Variants in GNA14 observed in about 807,000 individuals in gnomAD.
GNA14 encodes the protein G protein subunit alpha 14.
GNA14 carries 50 observed loss-of-function variants against 42.0 expected under a neutral mutation model. The ratio of observed to expected loss-of-function variants is 1.19; its 90% confidence interval spans 0.95 to 1.51. The LOEUF is 1.51. Ranked by LOEUF, GNA14 falls within the 40% of genes most tolerant of loss-of-function variation. The pLI, the probability that GNA14 is intolerant of heterozygous loss-of-function variation, is 0.00. For synonymous variants in GNA14, 173 were observed against 163.1 expected (o/e 1.06, Z -0.46); for missense variants, 473 against 446.2 (o/e 1.06, Z -0.54).
chr9:77,497,240 A>G (rs1836887142), intron 2 of GNA14, among the ~76,000 whole-genome samples: 1 of 152,154 alleles, frequency 6.6e-6, no homozygotes, highest in South Asian at 2.1e-4. Context: ...GGTGAAGAAA[A>G]CAAAGAGCTA....
intron 2 of GNA14, among the ~76,000 whole-genome samples, chr9:77,476,176 C>A (rs2131724556): frequency 6.6e-6 from 1 of 152,246 alleles, no homozygotes; most frequent in East Asian, 1.9e-4. Context: ...AGAATCTAGT[C>A]CTTAAAGTAG....
intron 2 of GNA14, among the ~76,000 whole-genome samples, chr9:77,442,722 AAACTCCCTTTTGGAGTTTGGG>A (rs1317936285): frequency 6.6e-6 from 1 of 152,210 alleles, no homozygotes; most frequent in African/African-American, 2.4e-5. Context: ...GAAGAAAAGG[AAACTCCCTTTTGGAGTTTGGG>A]AGATAACATC....
intron 2 of GNA14, among the ~76,000 whole-genome samples, chr9:77,445,570 A>G (rs551102697): frequency 2.6e-4 from 39 of 151,162 alleles, no homozygotes; most frequent in Non-Finnish European, 4.1e-4. Context: ...AAAAAAAAAA[A>G]AAAGAAAGGA....
At chr9:77,627,337 T>G (rs1824026949) in intron 1 of GNA14, among the ~76,000 whole-genome samples, 2 of 152,126 alleles carry the variant, frequency 1.3e-5, no homozygotes, top group Admixed American at 1.3e-4. Flanking sequence ...CTTCTGAAAC[T>G]ATTCCAAACA....
At chr9:77,581,558 A>G (rs1823224273) in intron 1 of GNA14, among the ~76,000 whole-genome samples, 1 of 152,214 alleles carries the variant, frequency 6.6e-6, no homozygotes, top group South Asian at 2.1e-4. Context: ...ACAACTACAC[A>G]GTGGCCGGAC....
intron 1 of GNA14, among the ~76,000 whole-genome samples, chr9:77,592,383 A>G (rs1823404129): frequency 2.0e-5 from 3 of 152,234 alleles, no homozygotes; most frequent in Non-Finnish European, 2.9e-5. Flanking sequence ...GCTCTAAGAG[A>G]TAAGGCTTGC....
At chr9:77,445,076 G>T (rs1835793246) in intron 2 of GNA14, among the ~76,000 whole-genome samples, 1 of 152,222 alleles carries the variant, frequency 6.6e-6, no homozygotes, top group South Asian at 2.1e-4. Context: ...GGGGAGGAGT[G>T]AAGGGATGAG....
chr9:77,555,921 A>G (rs964529456), intron 1 of GNA14, among the ~76,000 whole-genome samples: 2 of 152,212 alleles, frequency 1.3e-5, no homozygotes, highest in Non-Finnish European at 2.9e-5. Context: ...AATGAGTCTC[A>G]TAATACCATT....
At chr9:77,568,064 C>T (rs1822998412) in intron 1 of GNA14, among the ~76,000 whole-genome samples, 1 of 152,070 alleles carries the variant, frequency 6.6e-6, no homozygotes, top group Admixed American at 6.6e-5. Context: ...GTGGTAAGCT[C>T]CCTGAGACAG....
intron 2 of GNA14, 72 bp from the exon 3 acceptor site, chr9:77,434,594 G>T: frequency 7.4e-7 from 1 of 1,343,534 alleles, no homozygotes; most frequent in Non-Finnish European, 1.0e-6. Context: ...GTCGGTACAA[G>T]TCTTGCCCTG....
At chr9:77,474,778 A>T (rs1836390674) in intron 2 of GNA14, among the ~76,000 whole-genome samples, 1 of 152,188 alleles carries the variant, frequency 6.6e-6, no homozygotes, top group Non-Finnish European at 1.5e-5. Flanking sequence ...TAAACAAAAC[A>T]TGACTGTTGG....
chr9:77,571,682 A>AC (rs914588522), intron 1 of GNA14, among the ~76,000 whole-genome samples: 4 of 151,500 alleles, frequency 2.6e-5, no homozygotes. Flanking sequence ...TGCCTGTAAT[A>AC]CCAGCTACTC....
At chr9:77,540,321 T>C (rs1029756784) in intron 1 of GNA14, among the ~76,000 whole-genome samples, 4 of 152,172 alleles carry the variant, frequency 2.6e-5, no homozygotes, top group Admixed American at 2.0e-4. Flanking sequence ...TTTATTCCAT[T>C]GTGGTCTGAG....
intron 5 of GNA14, among the ~76,000 whole-genome samples, chr9:77,426,507 T>C (rs1835456313): frequency 2.0e-5 from 3 of 152,116 alleles, no homozygotes; most frequent in Admixed American, 2.0e-4. Flanking sequence ...GGTTTCACCG[T>C]GTTAGCCAGG....
chr9:77,580,579 TG>T, intron 1 of GNA14: 1 of 507,388 alleles, frequency 2.0e-6, no homozygotes, highest in South Asian at 1.9e-5. Context: ...CAGTGAAGCT[TG>T]GGTTTGCACC....
chr9:77,606,325 G>T (rs182477057), intron 1 of GNA14, among the ~76,000 whole-genome samples: 3 of 152,248 alleles, frequency 2.0e-5, no homozygotes, highest in African/African-American at 7.2e-5. Context: ...TCTTTTAAGT[G>T]TAAGTATTTC....
intron 2 of GNA14, among the ~76,000 whole-genome samples, chr9:77,435,989 G>A (rs1255846787): frequency 1.3e-5 from 2 of 152,164 alleles, no homozygotes; most frequent in Middle Eastern, 3.2e-3. Flanking sequence ...TGGTAGCTGG[G>A]ATCTCAAGTG....
intron 1 of GNA14, among the ~76,000 whole-genome samples, chr9:77,615,414 G>T (rs1387144974): frequency 6.6e-6 from 1 of 152,000 alleles, no homozygotes; most frequent in African/African-American, 2.4e-5. Flanking sequence ...ATTTGGCAAA[G>T]TCCTGAGGAG....
At chr9:77,578,506 T>C (rs546517735) in intron 1 of GNA14, among the ~76,000 whole-genome samples, 1 of 152,280 alleles carries the variant, frequency 6.6e-6, no homozygotes, top group South Asian at 2.1e-4. Flanking sequence ...AGATACAATA[T>C]TGAAAAATAT....
Sources: gnomAD v4.1 joint callset for allele counts (sites outside exome capture counted in the v4.1 genomes callset) on GRCh38, gnomAD v4.1.1 for gene constraint, MANE v1.5 for transcripts, NCBI Gene and HGNC (gene_info 2026-07-23, HGNC 2026-07-21) for gene names.